The following DIS3L2 variants were observed in gnomAD, a reference collection of about 807,000 sequenced individuals.
The protein encoded by DIS3L2 is DIS3 like 3'-5' exoribonuclease 2.
A neutral mutation model predicts 97.5 loss-of-function variants in DIS3L2; 34 were observed. The observed-to-expected ratio is 0.35, with a 90% CI of 0.27 to 0.46. The LOEUF is 0.46. DIS3L2 is among the 20% of genes least tolerant of loss of function. DIS3L2 has a pLI of 1.00. For missense variants in DIS3L2, 1,038 were observed against 1,146.0 expected (o/e 0.91, Z 1.36); for synonymous variants, 435 against 445.2 (o/e 0.98, Z 0.29).
intron 5 of DIS3L2, among the ~76,000 whole-genome samples, chr2:232,063,738 G>A (rs1190785299): frequency 2.0e-5 from 3 of 151,980 alleles, no homozygotes; most frequent in Non-Finnish European, 4.4e-5. Context: ...AAGATAGTTA[G>A]GGATGTGCTT....
chr2:232,340,748 A>T (rs1410177930), downstream of DIS3L2: 6 of 470,860 alleles, frequency 1.3e-5, no homozygotes, highest in African/African-American at 4.0e-5. Context: ...AACCTCAGAG[A>T]TTCCTCAACT....
At chr2:232,227,620 A>T (rs150185631) in intron 10 of DIS3L2, among the ~76,000 whole-genome samples, 3 of 152,326 alleles carry the variant, frequency 2.0e-5, no homozygotes, top group South Asian at 2.1e-4. Flanking sequence ...ATAAATTAAT[A>T]AGTGAAACTG....
chr2:232,067,548 T>C (rs1233119581), intron 5 of DIS3L2, among the ~76,000 whole-genome samples: 2 of 152,224 alleles, frequency 1.3e-5, no homozygotes, highest in Non-Finnish European at 2.9e-5. Context: ...TTCATGTGGC[T>C]CAGCATATGG....
At chr2:232,006,115 A>G (rs1320479687) in intron 1 of DIS3L2, among the ~76,000 whole-genome samples, 1 of 152,218 alleles carries the variant, frequency 6.6e-6, no homozygotes, top group East Asian at 1.9e-4. Context: ...TGAACCCGGG[A>G]GGCAGAGGTT....
At chr2:232,109,787 A>G (rs1697469512) in intron 6 of DIS3L2, among the ~76,000 whole-genome samples, 1 of 152,218 alleles carries the variant, frequency 6.6e-6, no homozygotes. Context: ...AGACAATACC[A>G]TTCAGGATAT....
intron 6 of DIS3L2, among the ~76,000 whole-genome samples, chr2:232,094,815 T>C (rs1231756401): frequency 6.6e-6 from 1 of 152,066 alleles, no homozygotes; most frequent in South Asian, 2.1e-4. Context: ...AATATTTGCT[T>C]TATATATCTG....
intron 10 of DIS3L2, among the ~76,000 whole-genome samples, chr2:232,210,957 C>G (rs1197100352): frequency 1.3e-5 from 2 of 151,884 alleles, no homozygotes; most frequent in African/African-American, 4.8e-5. Flanking sequence ...CTGATAAGGG[C>G]TCTTTAAACA....
chr2:232,140,703 C>T (rs886987093), intron 8 of DIS3L2, among the ~76,000 whole-genome samples: 1 of 152,176 alleles, frequency 6.6e-6, no homozygotes, highest in Non-Finnish European at 1.5e-5. Context: ...CTTGGCCTCC[C>T]CTTTGCTGTA....
downstream of DIS3L2, among the ~76,000 whole-genome samples, chr2:232,341,412 G>A (rs1168995195): frequency 6.6e-6 from 1 of 152,248 alleles, no homozygotes; most frequent in Non-Finnish European, 1.5e-5. Flanking sequence ...TGGATTAGTA[G>A]TACATACAGA....
chr2:232,217,316 C>G (rs994977926), intron 10 of DIS3L2, among the ~76,000 whole-genome samples: 4 of 152,172 alleles, frequency 2.6e-5, no homozygotes, highest in Admixed American at 6.5e-5. Context: ...ACACAGACTG[C>G]CTTTCCCCTG....
At chr2:232,034,589 T>C (rs1031912010) in intron 5 of DIS3L2, among the ~76,000 whole-genome samples, 5 of 152,352 alleles carry the variant, frequency 3.3e-5, no homozygotes, top group Admixed American at 6.5e-5. Flanking sequence ...TTTCCCGCTT[T>C]CTCCTGTGGG....
intron 14 of DIS3L2, 28 bp from the exon 15 acceptor site, chr2:232,329,785 T>TGCCCGGGGGG: frequency 4.2e-4 from 402 of 966,732 alleles, no homozygotes; most frequent in Non-Finnish European, 5.1e-4. Flanking sequence ...ACCCCAGCGG[T>TGCCCGGGGGG]CCCTCCCATC....
At chr2:232,213,790 G>A (rs971752992) in intron 10 of DIS3L2, among the ~76,000 whole-genome samples, 1 of 149,350 alleles carries the variant, frequency 6.7e-6, no homozygotes, top group African/African-American at 2.5e-5. Context: ...TTCCCTTTTG[G>A]TAGAGTTCAG....
intron 10 of DIS3L2, among the ~76,000 whole-genome samples, chr2:232,232,873 G>A (rs1312334577): frequency 6.6e-6 from 1 of 152,130 alleles, no homozygotes; most frequent in Non-Finnish European, 1.5e-5. Context: ...AGGCAGCCTG[G>A]GGCAGAGCAC....
intron 13 of DIS3L2, among the ~76,000 whole-genome samples, chr2:232,296,601 T>C (rs1272341930): frequency 6.6e-6 from 1 of 152,168 alleles, no homozygotes; most frequent in Non-Finnish European, 1.5e-5. Context: ...CTGATGGTTT[T>C]GTAAATGGGA....
intron 14 of DIS3L2, among the ~76,000 whole-genome samples, chr2:232,304,995 G>T (rs1694951648): frequency 6.6e-6 from 1 of 152,136 alleles, no homozygotes; most frequent in Non-Finnish European, 1.5e-5. Flanking sequence ...CCTCAAAAGT[G>T]TCTGTCACTT....
intron 3 of DIS3L2, among the ~76,000 whole-genome samples, chr2:232,021,644 CA>C (rs1694516920): frequency 6.6e-6 from 1 of 151,884 alleles, no homozygotes; most frequent in Admixed American, 6.6e-5. Flanking sequence ...AACTGCTAGT[CA>C]AAATGTTAGT....
At chr2:232,236,412 A>G (rs1168041805) in intron 10 of DIS3L2, among the ~76,000 whole-genome samples, 1 of 152,214 alleles carries the variant, frequency 6.6e-6, no homozygotes, top group Non-Finnish European at 1.5e-5. Context: ...TGGAAAGGGA[A>G]TTGATCCACT....
At chr2:232,143,076 T>C (rs1476913119) in intron 8 of DIS3L2, among the ~76,000 whole-genome samples, 1 of 152,190 alleles carries the variant, frequency 6.6e-6, no homozygotes, top group African/African-American at 2.4e-5. Flanking sequence ...AGAGGAAAGA[T>C]GATGAATGGC....
Sources: allele counts gnomAD v4.1 joint callset (sites outside exome capture counted in the v4.1 genomes callset), GRCh38; gene constraint gnomAD v4.1.1; transcripts MANE v1.5; gene names NCBI Gene and HGNC (gene_info 2026-07-23, HGNC 2026-07-21).